The following GPC5 variants were observed in gnomAD, a reference collection of about 807,000 sequenced individuals.
The protein encoded by GPC5 is glypican 5, also known as glypican-5.
Under a neutral mutation model 53.9 loss-of-function variants are expected in GPC5, and 47 were observed. That is an observed-to-expected ratio of 0.87 (90% confidence interval 0.69 to 1.11). GPC5 has a LOEUF of 1.11. Ranked by LOEUF, GPC5 falls within the 50% of genes most tolerant of loss-of-function variation. The pLI, the probability that GPC5 is intolerant of heterozygous loss-of-function variation, is 0.00. For missense variants in GPC5, 748 were observed against 713.1 expected (o/e 1.05, Z -0.56); for synonymous variants, 286 against 263.3 (o/e 1.09, Z -0.84).
At chr13:92,259,130 A>G (rs2042747406) in intron 7 of GPC5, among the ~76,000 whole-genome samples, 1 of 152,166 alleles carries the variant, frequency 6.6e-6, no homozygotes. Flanking sequence ...TGACATTACT[A>G]TCTTAAGCTG....
At chr13:91,580,436 CT>C (rs2139083846) in intron 2 of GPC5, among the ~76,000 whole-genome samples, 1 of 152,212 alleles carries the variant, frequency 6.6e-6, no homozygotes, top group South Asian at 2.1e-4. Flanking sequence ...ATAATAGTTG[CT>C]TTTTCTTGAA....
intron 4 of GPC5, among the ~76,000 whole-genome samples, chr13:91,740,170 C>G (rs1202689003): frequency 6.6e-6 from 1 of 152,140 alleles, no homozygotes; most frequent in Non-Finnish European, 1.5e-5. Flanking sequence ...TGATTACTGT[C>G]TTAGGCACTG....
chr13:92,431,915 C>T (rs944389566), intron 7 of GPC5, among the ~76,000 whole-genome samples: 7 of 152,062 alleles, frequency 4.6e-5, no homozygotes, highest in African/African-American at 1.7e-4. Context: ...GTAAGTAGTG[C>T]TGGCAGATTG....
At chr13:92,736,184 T>A (rs2139304543) in intron 7 of GPC5, among the ~76,000 whole-genome samples, 1 of 152,140 alleles carries the variant, frequency 6.6e-6, no homozygotes, top group Middle Eastern at 3.4e-3. Flanking sequence ...ATGCTACCAC[T>A]CTAAAGAAGC....
intron 6 of GPC5, among the ~76,000 whole-genome samples, chr13:91,915,824 T>A: frequency 6.6e-6 from 1 of 152,186 alleles, no homozygotes; most frequent in East Asian, 1.9e-4. Flanking sequence ...TGTCAAGAAT[T>A]ATAAAATCTA....
chr13:92,119,953 C>T (rs549088109), intron 6 of GPC5, among the ~76,000 whole-genome samples: 202 of 152,122 alleles, frequency 1.3e-3, no homozygotes, highest in Non-Finnish European at 1.3e-3. Flanking sequence ...CCAGCATAGC[C>T]CACTAGGAGT....
chr13:91,496,468 T>C (rs9556098), intron 2 of GPC5, among the ~76,000 whole-genome samples: 63,544 of 152,096 alleles, frequency 0.42, 13,450 homozygotes, highest in East Asian at 0.58. Context: ...TGAGGTCATG[T>C]CATTTGCAGC....
At chr13:92,335,173 C>A (rs554880436) in intron 7 of GPC5, among the ~76,000 whole-genome samples, 3 of 152,108 alleles carry the variant, frequency 2.0e-5, no homozygotes, top group African/African-American at 7.2e-5. Flanking sequence ...GACATCCAGG[C>A]GTTTTCATAC....
intron 2 of GPC5, among the ~76,000 whole-genome samples, chr13:91,556,541 ATG>A (rs1020269156): frequency 2.8e-4 from 41 of 145,448 alleles, no homozygotes; most frequent in Non-Finnish European, 3.8e-4. Context: ...TATATATAAA[ATG>A]TGTGTGTGTG....
chr13:92,165,299 T>C (rs1050927691), intron 7 of GPC5, among the ~76,000 whole-genome samples: 3 of 152,224 alleles, frequency 2.0e-5, no homozygotes, highest in African/African-American at 7.2e-5. Flanking sequence ...CAATTCCAAA[T>C]CATATCTTTG....
chr13:91,822,307 C>T lies in GPC5; in HGVS notation c.1280+65887C>T, dbSNP rs74966160. Among the ~76,000 whole-genome samples the T allele has an allele frequency of 2.2e-3, 338 of 152,234 alleles. 6 individuals carry two copies. The East Asian group carries it at 0.051, about 23-fold the overall frequency. ...TGAAACCTGGATGTTGATTAATTTC[C>T]ATGGACACTCTTTGCTCTTTGGAAG... is the stretch of plus-strand genomic sequence containing the variant. On this transcript the variant is annotated intron_variant, in intron 5 of 7. Transcript: ENST00000377067.
intron 7 of GPC5, among the ~76,000 whole-genome samples, chr13:92,857,380 G>A (rs993298628): frequency 6.6e-6 from 1 of 152,038 alleles, no homozygotes; most frequent in Non-Finnish European, 1.5e-5. Flanking sequence ...AGAAAACATA[G>A]GAAATACCCT....
chr13:92,612,050 T>C (rs1440407595), intron 7 of GPC5, among the ~76,000 whole-genome samples: 1 of 152,114 alleles, frequency 6.6e-6, no homozygotes, highest in Admixed American at 6.6e-5. Context: ...AGAGTATGCA[T>C]ACATTTCTAC....
intron 5 of GPC5, among the ~76,000 whole-genome samples, chr13:91,857,442 T>G (rs982873129): frequency 1.3e-5 from 2 of 151,498 alleles, no homozygotes; most frequent in African/African-American, 2.4e-5. Flanking sequence ...TATTTTATTA[T>G]GTTTTGATGA....
At chr13:91,965,672 A>C (rs924132616) in intron 6 of GPC5, among the ~76,000 whole-genome samples, 1 of 152,184 alleles carries the variant, frequency 6.6e-6, no homozygotes, top group Non-Finnish European at 1.5e-5. Context: ...ACAAAGGAAA[A>C]TCAGCAACCA....
intron 7 of GPC5, among the ~76,000 whole-genome samples, chr13:92,536,559 C>T (rs1259453754): frequency 6.6e-6 from 1 of 152,066 alleles, no homozygotes; most frequent in Admixed American, 6.6e-5. Flanking sequence ...CTCTAGGTGT[C>T]CAGCCTGAGG....
At chr13:92,819,961 A>C (rs1877619018) in intron 7 of GPC5, among the ~76,000 whole-genome samples, 1 of 152,006 alleles carries the variant, frequency 6.6e-6, no homozygotes. Flanking sequence ...TACTTTTCCT[A>C]ATCTCCATTA....
chr13:92,467,393 A>G (rs1290130448), intron 7 of GPC5, among the ~76,000 whole-genome samples: 1 of 152,122 alleles, frequency 6.6e-6, no homozygotes, highest in Non-Finnish European at 1.5e-5. Context: ...GTTTATGCTT[A>G]TAGATGAGTC....
chr13:91,812,425 A>T (rs1044437889), intron 5 of GPC5, among the ~76,000 whole-genome samples: 1 of 152,220 alleles, frequency 6.6e-6, no homozygotes. Context: ...TTTATGAAGT[A>T]CTTTAGCACA....
Sources: allele counts gnomAD v4.1 joint callset (sites outside exome capture counted in the v4.1 genomes callset), GRCh38; gene constraint gnomAD v4.1.1; transcripts MANE v1.5; gene names NCBI Gene and HGNC (gene_info 2026-07-23, HGNC 2026-07-21).